The following ELF2 variants were observed in gnomAD, a reference collection of about 807,000 sequenced individuals.
The protein encoded by ELF2 is ETS-related transcription factor Elf-2.
ELF2 carries 11 observed loss-of-function variants against 54.8 expected under a neutral mutation model. The observed-to-expected ratio is 0.20, with a 90% confidence interval of 0.13 to 0.33. The LOEUF is 0.33. ELF2 is among the 10% of genes least tolerant of loss of function. The pLI, the probability that ELF2 is intolerant of heterozygous loss-of-function variation, is 1.00. For synonymous variants in ELF2, 203 were observed against 245.1 expected, an observed-to-expected ratio of 0.83 and a Z score of 1.61; for missense variants, 513 against 703.0, an observed-to-expected ratio of 0.73 and a Z score of 3.06.
intron 2 of ELF2, among the ~76,000 whole-genome samples, chr4:139,138,211 G>A (rs1441217253): frequency 2.0e-5 from 3 of 152,180 alleles, no homozygotes; most frequent in Admixed American, 1.3e-4. Context: ...GAGGTCAAGA[G>A]ATCGAGACCA....
intron 1 of ELF2, among the ~76,000 whole-genome samples, chr4:139,140,087 G>A (rs1161778548): frequency 1.3e-5 from 2 of 152,200 alleles, no homozygotes; most frequent in East Asian, 1.9e-4. Flanking sequence ...ATGCCACCAT[G>A]CTCAGGTCAG....
chr4:139,074,243 T>C (rs570683113), intron 4 of ELF2, among the ~76,000 whole-genome samples: 35 of 152,108 alleles, frequency 2.3e-4, no homozygotes, highest in African/African-American at 7.7e-4. Flanking sequence ...TACTAACTTG[T>C]GGGAAGGGAG....
intron 1 of ELF2, among the ~76,000 whole-genome samples, chr4:139,170,296 G>T (rs1356165828): frequency 8.7e-6 from 1 of 114,748 alleles, no homozygotes; most frequent in Non-Finnish European, 1.6e-5. Flanking sequence ...ACAGAGTCTC[G>T]CTCTGTTGCC....
At chr4:139,069,885 C>T (rs556642104) in intron 6 of ELF2, among the ~76,000 whole-genome samples, 7 of 151,434 alleles carry the variant, frequency 4.6e-5, no homozygotes, top group East Asian at 3.9e-4. Flanking sequence ...CTCACTCTGT[C>T]GCCCAGGCTG....
chr4:139,165,029 T>C (rs1741582630), intron 1 of ELF2, among the ~76,000 whole-genome samples: 1 of 152,240 alleles, frequency 6.6e-6, no homozygotes, highest in South Asian at 2.1e-4. Flanking sequence ...GGTTTCCCAT[T>C]AGCAGAAGCA....
chr4:139,156,301 G>T (rs529168952), intron 1 of ELF2, among the ~76,000 whole-genome samples: 46 of 151,766 alleles, frequency 3.0e-4, no homozygotes, highest in African/African-American at 1.0e-3. Context: ...TCAGCCTCCC[G>T]AGTAGCTGGG....
intron 4 of ELF2, among the ~76,000 whole-genome samples, chr4:139,096,156 G>C (rs1733261653): frequency 6.6e-6 from 1 of 151,548 alleles, no homozygotes; most frequent in South Asian, 2.1e-4. Context: ...ATATGAGTTT[G>C]ACCCAAAAAA....
At chr4:139,089,233 C>T (rs1287980976) in intron 4 of ELF2, among the ~76,000 whole-genome samples, 1 of 152,056 alleles carries the variant, frequency 6.6e-6, no homozygotes, top group African/African-American at 2.4e-5. Flanking sequence ...TATCAATAAC[C>T]ATCATCTTAC....
At position 139,059,283 on chromosome 4, in the gene ELF2, T is replaced by C; in HGVS notation, c.1482A>G (p.Arg494=). Residue 494 remains arginine, a synonymous_variant, in exon 10 of 10, where the codon AGA becomes AGG. Coordinates refer to ENST00000686138, the MANE Select transcript of ELF2 (RefSeq NM_001331036.3). ...INIVGTPLAV[R]ALTPVSIAHG... is the part of the protein sequence containing the mutation. ...GGGCTATTGAAACAGGGGTAAGTGC[T>C]CTCACAGCCAATGGGGTTCCAACAA... is the stretch of plus-strand genomic sequence containing the variant. The C allele has an allele frequency of 6.2e-7, 1 of 1,613,954 alleles. No homozygotes were observed.
intron 7 of ELF2, among the ~76,000 whole-genome samples, chr4:139,062,466 C>A (rs1007614717): frequency 2.0e-5 from 3 of 152,160 alleles, no homozygotes; most frequent in African/African-American, 7.2e-5. Context: ...CCACTGTGTC[C>A]GGCCTGTTTC....
At chr4:139,114,094 A>C (rs1334619766) in intron 4 of ELF2, among the ~76,000 whole-genome samples, 3 of 152,224 alleles carry the variant, frequency 2.0e-5, no homozygotes, top group African/African-American at 7.2e-5. Context: ...TAGATCTCAA[A>C]GTTATACTAA....
chr4:139,142,177 A>G (rs1246375757), intron 1 of ELF2, among the ~76,000 whole-genome samples: 1 of 152,206 alleles, frequency 6.6e-6, no homozygotes, highest in Non-Finnish European at 1.5e-5. Flanking sequence ...GATAGGGATT[A>G]TTTGGCAGGG....
intron 1 of ELF2, among the ~76,000 whole-genome samples, chr4:139,160,203 G>A (rs184635109): frequency 1.3e-5 from 2 of 152,156 alleles, no homozygotes; most frequent in Non-Finnish European, 2.9e-5. Context: ...TGGGCGTGGT[G>A]GTGGGCGCCT....
At position 139,114,596 on chromosome 4, in the gene ELF2, C is replaced by CACACACACACACACAA. The variant is rs1560826314; in HGVS notation, c.238+10567_238+10568insTTGTGTGTGTGTGTGT. ...ACACACACACACACACACACACACA[C>CACACACACACACACAA]AATTTAGGAGCATGCTCAGCACTGA... On this transcript the variant is annotated intron_variant, in intron 4 of 9. Transcript: ENST00000686138. Among the ~76,000 whole-genome samples, 10 of 146,852 alleles carry CACACACACACACACAA rather than the reference C, an allele frequency of 6.8e-5. No homozygotes were observed. In the Admixed American group the frequency reaches 6.9e-4, roughly 10 times the overall value.
At chr4:139,175,033 T>C (rs34633204) in intron 1 of ELF2, among the ~76,000 whole-genome samples, 12,934 of 152,252 alleles carry the variant, frequency 0.085, 713 homozygotes, top group Non-Finnish European at 0.13. Context: ...AACCACTGAA[T>C]TGTTCACCTG....
At chr4:139,160,459 C>T (rs1049273256) in intron 1 of ELF2, among the ~76,000 whole-genome samples, 2 of 152,130 alleles carry the variant, frequency 1.3e-5, no homozygotes, top group Non-Finnish European at 2.9e-5. Flanking sequence ...GACAAGACTT[C>T]ATGACCTAAA....
chr4:139,078,327 A>G (rs182975144), intron 4 of ELF2, among the ~76,000 whole-genome samples: 4 of 152,300 alleles, frequency 2.6e-5, no homozygotes, highest in Admixed American at 2.6e-4. Context: ...GTATTCTCCT[A>G]TAAGCAACAC....
At chr4:139,170,729 T>G (rs7690286) in intron 1 of ELF2, among the ~76,000 whole-genome samples, 12 of 147,594 alleles carry the variant, frequency 8.1e-5, no homozygotes, top group African/African-American at 2.5e-4. Context: ...TATATTATAT[T>G]ATATTATATT....
At chr4:139,103,253 G>A (rs1340673139) in intron 4 of ELF2, among the ~76,000 whole-genome samples, 3 of 152,074 alleles carry the variant, frequency 2.0e-5, no homozygotes, top group African/African-American at 7.2e-5. Context: ...TAAAATCCTT[G>A]GAATCTCCAA....
Sources: gnomAD v4.1 joint callset for allele counts (sites outside exome capture counted in the v4.1 genomes callset) on GRCh38, gnomAD v4.1.1 for gene constraint, MANE v1.5 for transcripts, NCBI Gene and HGNC (gene_info 2026-07-23, HGNC 2026-07-21) for gene names.